IBTK: variants seen among roughly 807,000 people sequenced by gnomAD.
IBTK encodes BTK-binding protein.
In IBTK, 83 loss-of-function variants were observed where a neutral mutation model predicts 154.9. That is an observed-to-expected ratio of 0.54 (90% confidence interval 0.45 to 0.64). The LOEUF (loss-of-function observed/expected upper bound fraction) is 0.64. Among genes scored for constraint, IBTK ranks in the 30% least tolerant of loss-of-function variants. IBTK has a pLI of 0.00. For missense variants in IBTK, 1,332 were observed against 1,584.6 expected (o/e 0.84, Z 2.71); for synonymous variants, 515 against 536.1 (o/e 0.96, Z 0.54).
chr6:82,203,612 T>A (rs1322658426), intron 17 of IBTK, among the ~76,000 whole-genome samples: 1 of 152,098 alleles, frequency 6.6e-6, no homozygotes, highest in Non-Finnish European at 1.5e-5. Flanking sequence ...TATCCACATA[T>A]TCCTAATAAT....
chr6:82,242,484 G>A (rs191918893), intron 1 of IBTK, among the ~76,000 whole-genome samples: 54 of 151,888 alleles, frequency 3.6e-4, no homozygotes, highest in African/African-American at 1.2e-3. Flanking sequence ...AAGTAATGGC[G>A]ATTATTTTTA....
intron 1 of IBTK, among the ~76,000 whole-genome samples, chr6:82,245,719 C>A (rs1771116713): frequency 6.6e-6 from 1 of 151,800 alleles, no homozygotes; most frequent in Non-Finnish European, 1.5e-5. Context: ...AACATACACA[C>A]AAGGATAGAC....
chr6:82,208,280 T>C (rs928155028), intron 16 of IBTK, among the ~76,000 whole-genome samples: 4 of 152,102 alleles, frequency 2.6e-5, no homozygotes, highest in African/African-American at 7.2e-5. Flanking sequence ...TTTTACTTGT[T>C]AATTACACCT....
In IBTK at chr6:82,214,320, G is replaced by C. The variant is rs1302095491; in HGVS notation, c.2111C>G (p.Ser704Cys). 1.9e-6 allele frequency: 3 copies of C among 1,613,830 alleles called. No homozygotes were observed. In the East Asian group the frequency reaches 6.7e-5, roughly 36 times the overall value. The part of the protein sequence containing the change: ...VSERQKSKPK[S>C]CKKGKNIRED... ...CCTAATATTTTTTCCTTTTTTACAA[G>C]ATTTAGGTTTGCTCTTCTGCCTCTC... The change falls in exon 12 of 29, where the codon TCT (serine) becomes TGT (cysteine). Residue 704 changes from serine to cysteine, a missense_variant. Around this residue, in one of 3 missense-constraint regions of IBTK, gnomAD observed 1,134 missense variants for 1,274.7 expected, o/e 0.89. Transcript: ENST00000306270.
In IBTK at chr6:82,238,730, C is replaced by T. The variant is rs1451323849; in HGVS notation, c.321+1436G>A. ...TGCTGAGATTACAGGCGTGAGCCACCGCGCCTGGCCATCAATTTCTTTTTT... is the reference window on the plus strand; with the variant it reads ...TGCTGAGATTACAGGCGTGAGCCACTGCGCCTGGCCATCAATTTCTTTTTT... On this transcript the variant is annotated intron_variant, in intron 2 of 28. Coordinates refer to ENST00000306270, the MANE Select transcript of IBTK (RefSeq NM_015525.4). Among the ~76,000 whole-genome samples the T allele has an allele frequency of 3.3e-5, 5 of 152,050 alleles. No homozygotes were observed. In the East Asian group the frequency reaches 9.8e-4, roughly 30 times the overall value.
intron 1 of IBTK, among the ~76,000 whole-genome samples, chr6:82,243,037 C>A (rs1173544466): frequency 6.6e-6 from 1 of 152,068 alleles, no homozygotes; most frequent in Non-Finnish European, 1.5e-5. Flanking sequence ...GTCAGGAGAT[C>A]AAGACCATCC....
At chr6:82,189,408 T>A (rs1047048544) in intron 25 of IBTK, among the ~76,000 whole-genome samples, 10 of 152,128 alleles carry the variant, frequency 6.6e-5, no homozygotes, top group African/African-American at 1.9e-4. Flanking sequence ...TTCCCATCTA[T>A]CAGTCAAGAA....
chr6:82,186,155 A>G (rs9361896), intron 25 of IBTK, among the ~76,000 whole-genome samples: 36,621 of 152,040 alleles, frequency 0.24, 4,457 homozygotes, highest in African/African-American at 0.28. Context: ...TGTTACACCA[A>G]TTGGCAGTTC....
At chr6:82,193,169 A>G (rs1582198760) in intron 23 of IBTK, among the ~76,000 whole-genome samples, 1 of 152,290 alleles carries the variant, frequency 6.6e-6, no homozygotes, top group East Asian at 1.9e-4. Flanking sequence ...CTTTCATCAA[A>G]AACAAATTCT....
intron 25 of IBTK, among the ~76,000 whole-genome samples, chr6:82,186,169 C>T (rs975548054): frequency 5.3e-5 from 8 of 152,266 alleles, no homozygotes; most frequent in Admixed American, 2.0e-4. Flanking sequence ...GCAGTTCTCC[C>T]ATCTCTCTCC....
rs953462510 is a variant in IBTK at position 82,194,557 on chromosome 6, T to C, written c.3260A>G (p.Lys1087Arg). Reference sequence around the variant, plus strand: ...GGGAATAGGCTGTGGAGCAGATATTTTAAGTATTGGTGACTTTTCCCATGG... The same window carrying C: ...GGGAATAGGCTGTGGAGCAGATATTCTAAGTATTGGTGACTTTTCCCATGG... ...LKPWEKSPILKISAPQPIPSN... is the reference protein window; with the variant it reads ...LKPWEKSPILRISAPQPIPSN... The change falls in exon 23 of 29, where the codon AAA becomes AGA. Residue 1087 changes from lysine to arginine, a missense_variant. By Grantham distance (26) the Lys-to-Arg change is conservative. This residue lies in a region of IBTK where 1,134 missense variants were observed against 1,274.7 expected (regional missense o/e 0.89). Transcript: ENST00000306270. 2 of 1,612,010 alleles carry C rather than the reference T, an allele frequency of 1.2e-6. No individual in the cohort carries two copies. Among genetic ancestry groups the C allele is most frequent in the Non-Finnish European group, 1.7e-6 (2 of 1,178,834 alleles).
At chr6:82,228,930 T>G (rs575357129) in intron 4 of IBTK, among the ~76,000 whole-genome samples, 2 of 152,088 alleles carry the variant, frequency 1.3e-5, no homozygotes, top group African/African-American at 4.8e-5. Flanking sequence ...CTAAAACCCC[T>G]GAATTTTTAA....
chr6:82,190,213 T>C (rs891934684), intron 25 of IBTK, among the ~76,000 whole-genome samples: 1 of 152,198 alleles, frequency 6.6e-6, no homozygotes, highest in Non-Finnish European at 1.5e-5. Context: ...TAAAATTATT[T>C]GCCACTTTCT....
intron 26 of IBTK, among the ~76,000 whole-genome samples, chr6:82,178,805 GAA>G (rs1218221401): frequency 6.6e-6 from 1 of 152,184 alleles, no homozygotes; most frequent in Non-Finnish European, 1.5e-5. Flanking sequence ...GATATTGAAA[GAA>G]GAGTCAGAGT....
chr6:82,239,035 C>A (rs569342489), intron 2 of IBTK, among the ~76,000 whole-genome samples: 4 of 152,008 alleles, frequency 2.6e-5, no homozygotes, highest in South Asian at 2.1e-4. Context: ...CCACACCTGG[C>A]CTCATCAGTT....
At chr6:82,238,801 C>T (rs527606700) in intron 2 of IBTK, among the ~76,000 whole-genome samples, 9 of 152,066 alleles carry the variant, frequency 5.9e-5, no homozygotes, top group South Asian at 4.1e-4. Flanking sequence ...TGCAGTGACA[C>T]GATCTTGGCA....
At chr6:82,194,172 C>T (rs1291440898) in intron 23 of IBTK, among the ~76,000 whole-genome samples, 1 of 152,076 alleles carries the variant, frequency 6.6e-6, no homozygotes, top group Non-Finnish European at 1.5e-5. Flanking sequence ...TCCTGTGCAG[C>T]ATTTTTAACC....
chr6:82,179,995 T>C (rs1463698188), intron 26 of IBTK, among the ~76,000 whole-genome samples: 1 of 152,230 alleles, frequency 6.6e-6, no homozygotes, highest in Non-Finnish European at 1.5e-5. Flanking sequence ...GAAAGGAGGA[T>C]AGTTCTATAT....
chr6:82,187,066 A>T (rs1296530002), intron 25 of IBTK, among the ~76,000 whole-genome samples: 1 of 151,664 alleles, frequency 6.6e-6, no homozygotes, highest in Non-Finnish European at 1.5e-5. Flanking sequence ...CAGGCATGCA[A>T]CACCATGCTC....
Sources: gnomAD v4.1 joint callset for allele counts (sites outside exome capture counted in the v4.1 genomes callset) on GRCh38, gnomAD v4.1.1 for gene constraint, gnomAD v4.1.1 regional missense constraint, MANE v1.5 for transcripts, NCBI Gene and HGNC (gene_info 2026-07-23, HGNC 2026-07-21) for gene names.